SMAD1: variants seen among roughly 807,000 people sequenced by gnomAD.
The protein encoded by SMAD1 is SMAD family member 1.
In SMAD1, 6 loss-of-function variants were observed where a neutral mutation model predicts 41.6. That is an observed-to-expected ratio of 0.14 (90% CI 0.08 to 0.28). The LOEUF (loss-of-function observed/expected upper bound fraction) is 0.28. Among genes scored for constraint, SMAD1 ranks in the 10% least tolerant of loss-of-function variants. The pLI is 1.00. For synonymous variants in SMAD1, 206 were observed against 203.2 expected (o/e 1.01, Z -0.12); for missense variants, 379 against 582.6 (o/e 0.65, Z 3.60).
At chr4:145,537,667 A>G (rs530706127) in intron 2 of SMAD1, among the ~76,000 whole-genome samples, 1 of 152,274 alleles carries the variant, frequency 6.6e-6, no homozygotes, top group East Asian at 1.9e-4. Context: ...CTACACACAC[A>G]CAGCATTGGA....
intron 4 of SMAD1, chr4:145,545,768 A>T (rs1451436784): frequency 1.3e-5 from 2 of 152,174 alleles, no homozygotes; most frequent in African/African-American, 4.8e-5. Context: ...TCAGATCATT[A>T]TATATTGGTA....
chr4:145,527,954 C>T (rs1003284818), intron 2 of SMAD1, among the ~76,000 whole-genome samples: 1 of 151,652 alleles, frequency 6.6e-6, no homozygotes, highest in Non-Finnish European at 1.5e-5. Context: ...TCCACCGCTC[C>T]CCGCCCCGGC....
Position 145,482,829 on chromosome 4 carries a change from G to A in SMAD1, c.-177+791G>A, listed in dbSNP as rs1368463701. The A allele has an allele frequency of 1.3e-5, 2 of 152,054 alleles. No individual in the cohort carries two copies. Among genetic ancestry groups the A allele is most frequent in the Non-Finnish European group, 2.9e-5 (2 of 68,010 alleles). The allele number at this position is 152,054 out of a possible 1,614,324, so 9.4% of individuals were successfully genotyped here. On this transcript the variant is annotated intron_variant, in intron 1 of 6. Coordinates refer to ENST00000302085, the MANE Select transcript of SMAD1 (RefSeq NM_005900.3). The surrounding 1 kb of genome is among the most constrained non-coding windows in gnomAD (Gnocchi z 4.2). ...TCACTGCATGTGTATTCGTGAGTTC[G>A]CGGTTGAACAACTGTTCCTTTACTC...
chr4:145,546,274 A>G (rs6537359), intron 4 of SMAD1: 27,281 of 172,058 alleles, frequency 0.16, 4,970 homozygotes, highest in African/African-American at 0.46. Flanking sequence ...TTATGCCAGT[A>G]CCTTTGGCAT....
At chr4:145,511,097 G>A (rs892009453) in intron 1 of SMAD1, among the ~76,000 whole-genome samples, 32 of 152,124 alleles carry the variant, frequency 2.1e-4, no homozygotes, top group African/African-American at 6.7e-4. Context: ...TATATTTAAT[G>A]TGTGTCTCTT....
At chr4:145,538,784 G>C (rs377165956) in intron 2 of SMAD1, among the ~76,000 whole-genome samples, 4 of 152,166 alleles carry the variant, frequency 2.6e-5, no homozygotes, top group South Asian at 2.1e-4. Flanking sequence ...ACAGGAGCTG[G>C]AGGGATTGCA....
At chr4:145,556,455 C>G (rs1223572793) in intron 6 of SMAD1, among the ~76,000 whole-genome samples, 1 of 151,534 alleles carries the variant, frequency 6.6e-6, no homozygotes, top group Non-Finnish European at 1.5e-5. Flanking sequence ...TTTCTTTTTT[C>G]TTCTTTTTTT....
At chr4:145,542,961 G>A (rs906873929) in intron 4 of SMAD1, among the ~76,000 whole-genome samples, 1 of 151,900 alleles carries the variant, frequency 6.6e-6, no homozygotes, top group African/African-American at 2.4e-5. Flanking sequence ...ATTTTTAACT[G>A]ATGATGAAAA....
At chr4:145,486,228 A>C (rs1332291267) in intron 1 of SMAD1, among the ~76,000 whole-genome samples, 1 of 152,236 alleles carries the variant, frequency 6.6e-6, no homozygotes, top group Non-Finnish European at 1.5e-5. Context: ...GCAGCACATA[A>C]TTTGAAGAAT....
chr4:145,557,593 A>G (rs1434941536), intron 6 of SMAD1, among the ~76,000 whole-genome samples, 198 bp from the exon 7 acceptor site: 1 of 152,194 alleles, frequency 6.6e-6, no homozygotes, highest in Non-Finnish European at 1.5e-5. Flanking sequence ...TGGGGAGCTA[A>G]CATCCATCCC....
intron 6 of SMAD1, among the ~76,000 whole-genome samples, chr4:145,554,966 T>G (rs1732758037): frequency 6.6e-6 from 1 of 152,224 alleles, no homozygotes; most frequent in South Asian, 2.1e-4. Context: ...TTTGGAGCCT[T>G]ACTTGTTAAT....
At chr4:145,541,390 C>T (rs1731921535) in intron 3 of SMAD1, among the ~76,000 whole-genome samples, 1 of 152,162 alleles carries the variant, frequency 6.6e-6, no homozygotes, top group Non-Finnish European at 1.5e-5. Flanking sequence ...CCATAGGTTG[C>T]CAATGAAATT....
At chr4:145,531,644 T>G (rs572954052) in intron 2 of SMAD1, among the ~76,000 whole-genome samples, 1 of 152,162 alleles carries the variant, frequency 6.6e-6, no homozygotes, top group Non-Finnish European at 1.5e-5. Context: ...TCTTGCTCTT[T>G]TGTGTGAGGA....
chr4:145,509,560 A>T (rs1439259860), intron 1 of SMAD1, among the ~76,000 whole-genome samples: 2 of 152,184 alleles, frequency 1.3e-5, no homozygotes, highest in African/African-American at 2.4e-5. Flanking sequence ...CTGTTTAAAA[A>T]TTATTGCTTA....
In SMAD1 at chr4:145,518,238, A is replaced by G. The variant is rs540316053; in HGVS notation, c.400+3225A>G. ...ACTATGATCATGCCTGTAAATAGCCATTACGTTCTAGCCTGGGCAGTGTAG... is the reference window on the plus strand; with the variant it reads ...ACTATGATCATGCCTGTAAATAGCCGTTACGTTCTAGCCTGGGCAGTGTAG... On this transcript the variant is annotated intron_variant, in intron 2 of 6. Transcript: ENST00000302085. Among the ~76,000 whole-genome samples, 22 of 126,256 alleles carry G rather than the reference A, an allele frequency of 1.7e-4. 5 individuals are homozygous for G. The South Asian group carries it at 5.2e-3, about 30-fold the overall frequency. 82.8% of individuals were successfully genotyped at this position (126,256 alleles called of 152,430 possible).
chr4:145,481,740 CGCGGGTGA>C, upstream of SMAD1: 12 of 177,760 alleles, frequency 6.8e-5, no homozygotes, highest in East Asian at 3.5e-4. Context: ...GGCGGCGGCG[CGCGGGTGA>C]GCGGGTGAGC....
intron 2 of SMAD1, among the ~76,000 whole-genome samples, chr4:145,526,700 T>C (rs1300167442): frequency 6.6e-6 from 1 of 152,120 alleles, no homozygotes; most frequent in African/African-American, 2.4e-5. Context: ...GAAAAGGCTC[T>C]TGCTCACAGT....
chr4:145,498,281 A>C (rs923945573), intron 1 of SMAD1, among the ~76,000 whole-genome samples: 3 of 152,214 alleles, frequency 2.0e-5, no homozygotes, highest in African/African-American at 7.2e-5. Flanking sequence ...TATGTGCCTG[A>C]ATCCTTAATA....
At chr4:145,546,035 T>C (rs1321495090) in intron 4 of SMAD1, 1 of 152,420 alleles carries the variant, frequency 6.6e-6, no homozygotes, top group African/African-American at 2.4e-5. Context: ...AAAGCAAATA[T>C]AAGGAAGTTA....
Sources: gnomAD v4.1 joint callset for allele counts (sites outside exome capture counted in the v4.1 genomes callset) on GRCh38, gnomAD v4.1.1 for gene constraint, Gnocchi (gnomAD v3.1) non-coding constraint, MANE v1.5 for transcripts, NCBI Gene and HGNC (gene_info 2026-07-23, HGNC 2026-07-21) for gene names.